GRIN2B: variants seen among roughly 807,000 people sequenced by gnomAD.
GRIN2B encodes glutamate receptor ionotropic, NMDA 2B.
A neutral mutation model predicts 114.5 loss-of-function variants in GRIN2B; 5 were observed. That is an observed-to-expected ratio of 0.04 (90% CI 0.02 to 0.09). The LOEUF (loss-of-function observed/expected upper bound fraction) is 0.09. Among genes scored for constraint, GRIN2B ranks in the 10% least tolerant of loss-of-function variants. GRIN2B has a pLI of 1.00. For synonymous variants in GRIN2B, 787 were observed against 745.1 expected (o/e 1.06, Z -0.92); for missense variants, 1,108 against 1,943.5 (o/e 0.57, Z 8.08).
chr12:13,773,292 T>A (rs2136647849), intron 3 of GRIN2B, among the ~76,000 whole-genome samples: 1 of 152,340 alleles, frequency 6.6e-6, no homozygotes, highest in South Asian at 2.1e-4. Flanking sequence ...TAGTTGAGTG[T>A]GTCCATGCAC....
chr12:13,855,486 A>G (rs1426949519), intron 3 of GRIN2B, among the ~76,000 whole-genome samples: 1 of 152,178 alleles, frequency 6.6e-6, no homozygotes, highest in Non-Finnish European at 1.5e-5. Flanking sequence ...ATTCTCTCAC[A>G]GTTCTGAAGG....
intron 3 of GRIN2B, among the ~76,000 whole-genome samples, chr12:13,797,996 A>C (rs1179322211): frequency 6.6e-6 from 1 of 152,226 alleles, no homozygotes; most frequent in Non-Finnish European, 1.5e-5. Context: ...CTACCTGCTC[A>C]AAGTCAATCT....
At position 13,562,870 on chromosome 12, in the gene GRIN2B, C is replaced by G; in HGVS notation, c.4368G>C (p.Val1456=). 1 of 1,614,082 alleles carries G rather than the reference C, an allele frequency of 6.2e-7. No homozygotes were observed. The highest frequency in any genetic ancestry group is 8.5e-7 in the Non-Finnish European group (1 of 1,179,918). The change falls in exon 14 of 14, where the codon GTG becomes GTC. Residue 1456 remains valine, a synonymous_variant. Coordinates refer to ENST00000609686, the MANE Select transcript of GRIN2B (RefSeq NM_000834.5). ...AAGCCCTGGGGTTTTTGTTGTTAGG[C>G]ACACAGGGGTTGGACTGGTTCCCTA... ...ICIGNQSNPC[V]PNNKNPRAFN... is the part of the protein sequence containing the mutation.
At chr12:13,634,763 A>G (rs941231536) in intron 5 of GRIN2B, among the ~76,000 whole-genome samples, 70 of 152,232 alleles carry the variant, frequency 4.6e-4, no homozygotes, top group African/African-American at 1.6e-3. Flanking sequence ...AGGCTGGGGG[A>G]CAGTTTTATT....
intron 2 of GRIN2B, among the ~76,000 whole-genome samples, chr12:13,881,028 GCATGTGCGCAGGTGTGCATGCA>G (rs1293220913): frequency 1.1e-4 from 17 of 152,210 alleles, no homozygotes; most frequent in African/African-American, 4.1e-4. Flanking sequence ...GTGCGCGCAC[GCATGTGCGCAGGTGTGCATGCA>G]CATGTGCACA....
chr12:13,709,656 A>G (rs1267685900), intron 4 of GRIN2B, among the ~76,000 whole-genome samples: 1 of 152,032 alleles, frequency 6.6e-6, no homozygotes, highest in Non-Finnish European at 1.5e-5. Flanking sequence ...GTACTGCACC[A>G]GATCCACGGG....
intron 4 of GRIN2B, among the ~76,000 whole-genome samples, chr12:13,718,753 C>A (rs1325287219): frequency 1.3e-5 from 2 of 151,990 alleles, no homozygotes; most frequent in African/African-American, 4.8e-5. Flanking sequence ...AAAGTTAATG[C>A]ACCACAGGGC....
At chr12:13,833,377 A>G (rs141496170) in intron 3 of GRIN2B, among the ~76,000 whole-genome samples, 75 of 152,126 alleles carry the variant, frequency 4.9e-4, no homozygotes, top group African/African-American at 1.8e-3. Context: ...GGGCCTCGGA[A>G]CCTTCTTCCC....
Position 13,810,179 on chromosome 12 carries a change from GTACT to G in GRIN2B, c.411+55615_411+55618del, listed in dbSNP as rs566496013. On this transcript the variant is annotated intron_variant, in intron 3 of 13. Coordinates refer to ENST00000609686, the MANE Select transcript of GRIN2B (RefSeq NM_000834.5). Reference sequence around the variant, plus strand: ...CTCCAATATTCTTTATTCTCTTACAGTACTTACTTTCCGCATAGTACTTAATTCT... The same window carrying G: ...CTCCAATATTCTTTATTCTCTTACAGTACTTTCCGCATAGTACTTAATTCT... Among the ~76,000 whole-genome samples the G allele has an allele frequency of 2.4e-3, 363 of 149,824 alleles. 1 individual carries two copies. Among genetic ancestry groups the G allele is most frequent in the African/African-American group, 8.6e-3 (350 of 40,692 alleles).
chr12:13,878,715 C>T (rs1343966196), intron 2 of GRIN2B, among the ~76,000 whole-genome samples: 2 of 152,192 alleles, frequency 1.3e-5, no homozygotes, highest in African/African-American at 4.8e-5. Context: ...TATCCTCAGG[C>T]CCTGCTGAGC....
At chr12:13,571,388 T>C (rs117239729) in intron 11 of GRIN2B, among the ~76,000 whole-genome samples, 383 of 152,270 alleles carry the variant, frequency 2.5e-3, no homozygotes, top group Non-Finnish European at 3.2e-3. Flanking sequence ...ATTCTTACTG[T>C]TAATTATCTA....
In GRIN2B at chr12:13,562,831, G is replaced by C; in HGVS notation, c.4407C>G (p.Ser1469Arg). 1 of 1,614,112 alleles carries C rather than the reference G, an allele frequency of 6.2e-7. No homozygotes were observed. The highest frequency in any genetic ancestry group is 8.5e-7 in the Non-Finnish European group (1 of 1,179,954). The change falls in exon 14 of 14, where the codon AGC becomes AGG. Residue 1469 changes from serine (S) to arginine (R), a missense_variant. This residue lies in a region of GRIN2B where 478 missense variants were observed against 506.0 expected (regional missense o/e 0.94). Transcript: ENST00000609686. Reference sequence around the variant, plus strand: ...AAAGTTTCTCATAAACATGCCCATTGCTGGAGCCATTGAAAGCCCTGGGGT... The same window carrying C: ...AAAGTTTCTCATAAACATGCCCATTCCTGGAGCCATTGAAAGCCCTGGGGT... ...NKNPRAFNGSSNGHVYEKLSS... is the reference protein window; with the variant it reads ...NKNPRAFNGSRNGHVYEKLSS...
intron 10 of GRIN2B, among the ~76,000 whole-genome samples, chr12:13,597,401 C>T (rs1949088296): frequency 6.6e-6 from 1 of 152,194 alleles, no homozygotes; most frequent in South Asian, 2.1e-4. Context: ...TTCCCAGTAG[C>T]AAAGGATCAA....
At chr12:13,975,308 T>C (rs1303431548) in intron 2 of GRIN2B, among the ~76,000 whole-genome samples, 2 of 152,224 alleles carry the variant, frequency 1.3e-5, no homozygotes, top group African/African-American at 4.8e-5. Flanking sequence ...AATTAGAATA[T>C]GCAGTCTCAC....
At chr12:13,616,288 G>A (rs1054728261) in intron 6 of GRIN2B, among the ~76,000 whole-genome samples, 167 bp downstream of exon 6, 3 of 152,096 alleles carry the variant, frequency 2.0e-5, no homozygotes, top group African/African-American at 4.8e-5. Context: ...TGGACAGAAC[G>A]AGACATCAGA....
At chr12:13,807,076 GTT>G (rs1479982849) in intron 3 of GRIN2B, among the ~76,000 whole-genome samples, 1 of 151,920 alleles carries the variant, frequency 6.6e-6, no homozygotes, top group Non-Finnish European at 1.5e-5. Flanking sequence ...CAATGTTACT[GTT>G]TATTTTCCTG....
chr12:13,934,207 T>A (rs1365139605), intron 2 of GRIN2B, among the ~76,000 whole-genome samples: 2 of 152,190 alleles, frequency 1.3e-5, no homozygotes, highest in Non-Finnish European at 2.9e-5. Context: ...AACCCATGCC[T>A]ACCCATGCTC....
intron 2 of GRIN2B, among the ~76,000 whole-genome samples, chr12:13,943,350 G>A (rs186384238): frequency 2.0e-5 from 3 of 152,238 alleles, no homozygotes; most frequent in East Asian, 1.9e-4. Flanking sequence ...CATCTGAAAT[G>A]GAATCAACCC....
In GRIN2B at chr12:13,563,759, T is replaced by C; in HGVS notation, c.3479A>G (p.Asp1160Gly). The C allele has an allele frequency of 6.2e-7, 1 of 1,614,034 alleles. No homozygotes were observed. The highest frequency in any genetic ancestry group is 1.1e-5 in the South Asian group (1 of 91,082). Residue 1160 changes from aspartate (D) to glycine (G), a missense_variant, in exon 14 of 14, where the codon GAT (aspartate) becomes GGT (glycine). This residue lies in a region of GRIN2B where 478 missense variants were observed against 506.0 expected (regional missense o/e 0.94). Transcript: ENST00000609686. ...DLTDIYKERS[D>G]DFKRDSVSGG... The stretch of plus-strand genomic sequence containing the variant: ...GCTGACGGAGTCGCGCTTAAAGTCA[T>C]CACTCCGCTCCTTGTAGATGTCGGT...
Sources: gnomAD v4.1 joint callset for allele counts (sites outside exome capture counted in the v4.1 genomes callset) on GRCh38, gnomAD v4.1.1 for gene constraint, gnomAD v4.1.1 regional missense constraint, MANE v1.5 for transcripts, NCBI Gene and HGNC (gene_info 2026-07-23, HGNC 2026-07-21) for gene names.